The following ZHX2 variants were observed in gnomAD, a reference collection of about 807,000 sequenced individuals.
ZHX2 encodes zinc fingers and homeoboxes 2.
ZHX2 carries 6 observed loss-of-function variants against 21.9 expected under a neutral mutation model. That is an observed-to-expected ratio of 0.27 (90% confidence interval 0.15 to 0.54). The LOEUF (loss-of-function observed/expected upper bound fraction) is 0.54. Ranked by LOEUF, ZHX2 falls within the 20% of genes least tolerant of loss-of-function variation. The pLI is 0.95. For synonymous variants in ZHX2, 434 were observed against 437.1 expected, an observed-to-expected ratio of 0.99 and a Z score of 0.09; for missense variants, 908 against 1,090.7, an observed-to-expected ratio of 0.83 and a Z score of 2.36.
At chr8:122,825,377 C>T (rs893175226) in intron 1 of ZHX2, among the ~76,000 whole-genome samples, 1 of 152,196 alleles carries the variant, frequency 6.6e-6, no homozygotes, top group African/African-American at 2.4e-5. Context: ...TCGTTATACT[C>T]AACCACTGGC....
chr8:122,969,835 G>T (rs1413064289), intron 3 of ZHX2, among the ~76,000 whole-genome samples: 1 of 152,196 alleles, frequency 6.6e-6, no homozygotes, highest in Admixed American at 6.5e-5. Context: ...CCTAGAGAAA[G>T]TTCTCCTGGG....
chr8:122,805,238 T>G (rs1383737839), intron 1 of ZHX2, among the ~76,000 whole-genome samples: 1 of 152,206 alleles, frequency 6.6e-6, no homozygotes, highest in Non-Finnish European at 1.5e-5. Context: ...TGGGGAGCTC[T>G]GGGTGCCAGC....
intron 1 of ZHX2, among the ~76,000 whole-genome samples, chr8:122,800,500 C>T (rs1817698113): frequency 6.6e-6 from 1 of 152,154 alleles, no homozygotes. Flanking sequence ...AGCGGCCACC[C>T]CTTGTGCAGA....
At chr8:122,832,936 C>T (rs1401819677) in intron 1 of ZHX2, among the ~76,000 whole-genome samples, 1 of 152,072 alleles carries the variant, frequency 6.6e-6, no homozygotes, top group East Asian at 1.9e-4. Context: ...AGATCATTAA[C>T]ACATTGAAGG....
intron 3 of ZHX2, among the ~76,000 whole-genome samples, chr8:122,955,839 A>ATTTTTTTTTTTTTTTTTTTTTTT (rs540333833): frequency 2.9e-5 from 3 of 104,924 alleles, no homozygotes; most frequent in Non-Finnish European, 1.8e-5. Context: ...TGAGGGAGTG[A>ATTTTTTTTTTTTTTTTTTTTTTT]TTTTTTTTTT....
intron 1 of ZHX2, among the ~76,000 whole-genome samples, chr8:122,835,030 G>C (rs1818463542): frequency 6.6e-6 from 1 of 152,228 alleles, no homozygotes; most frequent in African/African-American, 2.4e-5. Context: ...CTACAGTCCA[G>C]ATACGGTCTT....
Position 122,828,547 on chromosome 8 carries a change from C to T in ZHX2, c.-282-34930C>T, listed in dbSNP as rs927023914. Among the ~76,000 whole-genome samples, 2 of 152,262 alleles carry T rather than the reference C, an allele frequency of 1.3e-5. No homozygotes were observed. The highest frequency in any genetic ancestry group is 2.9e-5 in the Non-Finnish European group (2 of 68,048). ...GTGCAGCTAAACCCATGGCAGGAGA[C>T]GCTGTCCTTGTGACATACCTTGTTG... On this transcript the variant is annotated intron_variant, in intron 1 of 3. Transcript: ENST00000314393. This position sits in a 1 kb window ranked among gnomAD's most constrained non-coding sequence, Gnocchi z 5.2.
intron 1 of ZHX2, among the ~76,000 whole-genome samples, chr8:122,858,638 C>CTTTTTTTTTTTTTTTTTT (rs34399149): frequency 6.0e-5 from 5 of 82,736 alleles, no homozygotes; most frequent in Admixed American, 1.2e-4. Context: ...TTCTTTCTTT[C>CTTTTTTTTTTTTTTTTTT]TTTTTTTTTT....
chr8:122,797,358 A>G (rs1817632266), intron 1 of ZHX2, among the ~76,000 whole-genome samples: 1 of 152,142 alleles, frequency 6.6e-6, no homozygotes, highest in Admixed American at 6.5e-5. Context: ...CACTTTCTAA[A>G]GTTGCCACTT....
chr8:122,953,584 G>A lies in ZHX2; in HGVS notation c.2074G>A (p.Glu692Lys). ...GAAAACGGGAACCGTGAAGTGGATG[G>A]AGCAGTACCAGCACCAGCCCATGGC... ...LLKTGTVKWM[E>K]QYQHQPMADD... Residue 692 changes from glutamate (E) to lysine (K), a missense_variant, in exon 3 of 4, where the codon GAG (glutamate) becomes AAG (lysine). Glu to Lys is a moderately conservative substitution (Grantham distance 56). Around this residue, in one of 4 missense-constraint regions of ZHX2, gnomAD observed 431 missense variants for 428.6 expected, o/e 1.01. Coordinates refer to ENST00000314393, the MANE Select transcript of ZHX2 (RefSeq NM_014943.5). The surrounding 1 kb of genome is among the most constrained non-coding windows in gnomAD (Gnocchi z 4.6). 3.7e-6 allele frequency: 6 copies of A among 1,614,176 alleles called. No individual in the cohort carries two copies. Among genetic ancestry groups the A allele is most frequent in the Non-Finnish European group, 5.1e-6 (6 of 1,180,052 alleles).
At chr8:122,823,410 G>A (rs1387456153) in intron 1 of ZHX2, among the ~76,000 whole-genome samples, 10 of 152,324 alleles carry the variant, frequency 6.6e-5, no homozygotes, top group Admixed American at 5.9e-4. Flanking sequence ...CAGAATCAGC[G>A]TGAATCCAGG....
chr8:122,924,976 A>T (rs1707700148), intron 2 of ZHX2, among the ~76,000 whole-genome samples: 1 of 152,210 alleles, frequency 6.6e-6, no homozygotes, highest in African/African-American at 2.4e-5. Flanking sequence ...ACATCTTGCT[A>T]TTAAGAAAAA....
chr8:122,864,821 G>A (rs1270753268), intron 2 of ZHX2, among the ~76,000 whole-genome samples: 5 of 152,180 alleles, frequency 3.3e-5, no homozygotes, highest in South Asian at 4.1e-4. Flanking sequence ...GGGAAGTTAC[G>A]CAGGAGGGAC....
chr8:122,789,910 G>A (rs1817477732), intron 1 of ZHX2, among the ~76,000 whole-genome samples: 1 of 152,206 alleles, frequency 6.6e-6, no homozygotes, highest in East Asian at 1.9e-4. Flanking sequence ...TAGTCCAGGA[G>A]AGCCCGAAGA....
At chr8:122,934,964 A>AG (rs1370303630) in intron 2 of ZHX2, among the ~76,000 whole-genome samples, 1 of 152,240 alleles carries the variant, frequency 6.6e-6, no homozygotes, top group African/African-American at 2.4e-5. Flanking sequence ...CTGGGATTAC[A>AG]GGCGTGAGCC....
chr8:122,908,859 T>A (rs1398202278), intron 2 of ZHX2, among the ~76,000 whole-genome samples: 2 of 152,202 alleles, frequency 1.3e-5, no homozygotes, highest in Non-Finnish European at 2.9e-5. Flanking sequence ...GCTTCGGCTC[T>A]GAGCACACTT....
At position 122,797,412 on chromosome 8, in the gene ZHX2, T is replaced by TGGG. The variant is rs551004625; in HGVS notation, c.-283+15469_-283+15471dup. The stretch of plus-strand genomic sequence containing the variant: ...AAAGCCGCAAGGAGCCTGGAGACTG[T>TGGG]GGGGGAAGCACATGACCGTCGGGCC... On this transcript the variant is annotated intron_variant, in intron 1 of 3. Coordinates refer to ENST00000314393, the MANE Select transcript of ZHX2 (RefSeq NM_014943.5). Among the ~76,000 whole-genome samples, 400 of 152,130 alleles carry TGGG rather than the reference T, an allele frequency of 2.6e-3. 2 individuals carry two copies. The highest frequency in any genetic ancestry group is 9.3e-3 in the African/African-American group (386 of 41,536).
chr8:122,959,221 G>C (rs1178414260), intron 3 of ZHX2, among the ~76,000 whole-genome samples: 11 of 152,112 alleles, frequency 7.2e-5, no homozygotes, highest in Admixed American at 6.5e-4. Flanking sequence ...GATGACTTTG[G>C]AGAAGAGGAA....
intron 1 of ZHX2, among the ~76,000 whole-genome samples, chr8:122,854,631 C>T (rs1818985848): frequency 6.6e-6 from 1 of 152,216 alleles, no homozygotes. Context: ...TGAATCAGAA[C>T]TAAGATGGCA....
Sources: gnomAD v4.1 joint callset for allele counts (sites outside exome capture counted in the v4.1 genomes callset) on GRCh38, gnomAD v4.1.1 for gene constraint, gnomAD v4.1.1 regional missense constraint, Gnocchi (gnomAD v3.1) non-coding constraint, MANE v1.5 for transcripts, NCBI Gene and HGNC (gene_info 2026-07-23, HGNC 2026-07-21) for gene names.